Variants in DPYSL5 observed in about 807,000 individuals in gnomAD.
The protein encoded by DPYSL5 is dihydropyrimidinase-related protein 5.
DPYSL5 carries 9 observed loss-of-function variants against 58.4 expected under a neutral mutation model. The ratio of observed to expected loss-of-function variants is 0.15; its 90% CI spans 0.09 to 0.27. DPYSL5 has a LOEUF of 0.27. Among genes scored for constraint, DPYSL5 ranks in the 10% least tolerant of loss-of-function variants. DPYSL5 has a pLI of 1.00. For missense variants in DPYSL5, 499 were observed against 770.6 expected, an observed-to-expected ratio of 0.65 and a Z score of 4.17; for synonymous variants, 293 against 301.9, an observed-to-expected ratio of 0.97 and a Z score of 0.31.
In DPYSL5 at chr2:26,848,690, C is replaced by T. The variant is rs375301656; in HGVS notation, c.-5+436C>T. The stretch of plus-strand genomic sequence containing the variant: ...GCCGGTCCCAGGATCTGCGCTGTCC[C>T]CGGTCCCACACACCACCCAGATACA... On this transcript the variant is annotated intron_variant, in intron 1 of 12. Transcript: ENST00000288699. 2.3e-4 allele frequency among the ~76,000 whole-genome samples: 35 copies of T among 152,182 alleles called. No individual in the cohort carries two copies. The East Asian group carries it at 6.0e-3, about 26-fold the overall frequency.
intron 8 of DPYSL5, chr2:26,938,431 G>GT (rs1199328914): frequency 6.6e-6 from 1 of 152,330 alleles, no homozygotes; most frequent in African/African-American, 2.4e-5. Context: ...TCCAGAGAGT[G>GT]TGGGGAGCCT....
chr2:26,945,319 AC>A (rs1478627891), intron 12 of DPYSL5, among the ~76,000 whole-genome samples: 5 of 77,980 alleles, frequency 6.4e-5, no homozygotes, highest in African/African-American at 2.4e-4. Flanking sequence ...TTTTTTTTTT[AC>A]CAGGAATTGT....
chr2:26,935,888 C>T (rs368650645), intron 8 of DPYSL5, among the ~76,000 whole-genome samples: 44 of 152,268 alleles, frequency 2.9e-4, no homozygotes, highest in African/African-American at 9.6e-4. Context: ...CAGCTTGCAG[C>T]ACTGGCAATG....
chr2:26,882,437 G>A (rs566045631), intron 1 of DPYSL5, among the ~76,000 whole-genome samples: 1 of 151,312 alleles, frequency 6.6e-6, no homozygotes, highest in African/African-American at 2.4e-5. Context: ...GTCTGTGTGT[G>A]TGTGTGTGTG....
In DPYSL5 at chr2:26,933,884, G is replaced by A. The variant is rs533948989; in HGVS notation, c.790+551G>A. On this transcript the variant is annotated intron_variant, in intron 7 of 12. Transcript: ENST00000288699. The surrounding 1 kb of genome is among the most constrained non-coding windows in gnomAD (Gnocchi z 4.2). Reference sequence around the variant, plus strand: ...CTTGGAGTCCAGCCCCGCCCCAGGTGCTGGTGAGGGCCTGGCAGCAGGAGA... The same window carrying A: ...CTTGGAGTCCAGCCCCGCCCCAGGTACTGGTGAGGGCCTGGCAGCAGGAGA... 2.0e-5 allele frequency among the ~76,000 whole-genome samples: 3 copies of A among 152,158 alleles called. No homozygotes were observed. The highest frequency in any genetic ancestry group is 4.4e-5 in the Non-Finnish European group (3 of 68,020).
At chr2:26,867,461 T>G (rs1192747250) in intron 1 of DPYSL5, among the ~76,000 whole-genome samples, 2 of 67,960 alleles carry the variant, frequency 2.9e-5, no homozygotes, top group Non-Finnish European at 8.3e-5. Flanking sequence ...TTTTGTTTGT[T>G]TTTTTTTTTT....
At chr2:26,888,549 G>T (rs1055632809) in intron 1 of DPYSL5, among the ~76,000 whole-genome samples, 17 of 152,102 alleles carry the variant, frequency 1.1e-4, no homozygotes, top group African/African-American at 4.1e-4. Context: ...TGGGATTACA[G>T]GTGTGAGCGA....
intron 3 of DPYSL5, among the ~76,000 whole-genome samples, chr2:26,926,954 T>C (rs1194228992): frequency 2.0e-5 from 3 of 152,224 alleles, no homozygotes. Context: ...TAAGGCTGGT[T>C]TGGAGACAGA....
At chr2:26,928,392 G>A in intron 5 of DPYSL5, 69 bp downstream of exon 5, 1 of 1,540,806 alleles carries the variant, frequency 6.5e-7, no homozygotes, top group South Asian at 1.1e-5. Context: ...CCAGGATGGA[G>A]GAGACATCAA....
At chr2:26,871,496 G>T (rs950872486) in intron 1 of DPYSL5, among the ~76,000 whole-genome samples, 1 of 152,104 alleles carries the variant, frequency 6.6e-6, no homozygotes. Flanking sequence ...AGGTTGGAGT[G>T]CAGTGGTGCC....
At chr2:26,863,438 A>C (rs1245716897) in intron 1 of DPYSL5, among the ~76,000 whole-genome samples, 2 of 152,220 alleles carry the variant, frequency 1.3e-5, no homozygotes, top group African/African-American at 4.8e-5. Flanking sequence ...AATCTTGCCC[A>C]GAATGGTAAA....
At chr2:26,874,871 G>A (rs923195431) in intron 1 of DPYSL5, among the ~76,000 whole-genome samples, 4 of 152,174 alleles carry the variant, frequency 2.6e-5, no homozygotes, top group Admixed American at 1.3e-4. Context: ...CCACAAAAAG[G>A]CCTATTAGGA....
rs1401008043 is a variant in DPYSL5, at chr2:26,876,686, T to C, written c.-4-21810T>C. Among the ~76,000 whole-genome samples, 7 of 151,838 alleles carry C rather than the reference T, an allele frequency of 4.6e-5. No homozygotes were observed. The East Asian group carries it at 1.4e-3, about 30-fold the overall frequency. ...GCCTGCCACCACGCCTGGCTAACTT[T>C]TGTATTTTTAGTGGAGACAGGGTTT... On this transcript the variant is annotated intron_variant, in intron 1 of 12. Transcript: ENST00000288699.
intron 1 of DPYSL5, among the ~76,000 whole-genome samples, chr2:26,870,009 TCAAAA>T (rs1232252730): frequency 6.6e-6 from 1 of 152,226 alleles, no homozygotes; most frequent in Non-Finnish European, 1.5e-5. Flanking sequence ...AGACTTCGTC[TCAAAA>T]CAAACAAACA....
At chr2:26,894,219 C>G (rs925679042) in intron 1 of DPYSL5, among the ~76,000 whole-genome samples, 1 of 152,062 alleles carries the variant, frequency 6.6e-6, no homozygotes, top group Admixed American at 6.6e-5. Context: ...GCCCTCAGCA[C>G]TGGCCCCATT....
rs569574803 is a variant in DPYSL5 at position 26,943,002 on chromosome 2, C to G, written c.1440+252C>G. ...GTCAGGCAGCAGGGCTCCTGAGTTGCTGAGGGCACAAGTGGGAAATGTGAG... is the reference window on the plus strand; with the variant it reads ...GTCAGGCAGCAGGGCTCCTGAGTTGGTGAGGGCACAAGTGGGAAATGTGAG... On this transcript the variant is annotated intron_variant, in intron 11 of 12. Coordinates refer to ENST00000288699, the MANE Select transcript of DPYSL5 (RefSeq NM_020134.4). Among the ~76,000 whole-genome samples, 12 of 152,288 alleles carry G rather than the reference C, an allele frequency of 7.9e-5. No homozygotes were observed. In the South Asian group the frequency reaches 2.5e-3, roughly 32 times the overall value.
chr2:26,880,141 C>G (rs1479439979), intron 1 of DPYSL5, among the ~76,000 whole-genome samples: 1 of 152,238 alleles, frequency 6.6e-6, no homozygotes, highest in Non-Finnish European at 1.5e-5. Flanking sequence ...CCTCCTGCCT[C>G]AGCCTCCCCA....
At chr2:26,889,340 G>C (rs1211673616) in intron 1 of DPYSL5, among the ~76,000 whole-genome samples, 2 of 151,796 alleles carry the variant, frequency 1.3e-5, no homozygotes, top group African/African-American at 4.8e-5. Context: ...TGCGATCTCA[G>C]CTCACTGCAA....
chr2:26,856,815 T>C (rs1665889423), intron 1 of DPYSL5, among the ~76,000 whole-genome samples: 1 of 151,174 alleles, frequency 6.6e-6, no homozygotes, highest in South Asian at 2.1e-4. Context: ...CTTCCAACTC[T>C]TATTCTTCAG....
Sources: gnomAD v4.1 joint callset for allele counts (sites outside exome capture counted in the v4.1 genomes callset) on GRCh38, gnomAD v4.1.1 for gene constraint, Gnocchi (gnomAD v3.1) non-coding constraint, MANE v1.5 for transcripts, NCBI Gene and HGNC (gene_info 2026-07-23, HGNC 2026-07-21) for gene names.